The following CAP1 variants were observed in gnomAD, a reference collection of about 807,000 sequenced individuals.
The protein encoded by CAP1 is cyclase associated actin cytoskeleton regulatory protein 1.
A neutral mutation model predicts 58.2 loss-of-function variants in CAP1; 11 were observed. The ratio of observed to expected loss-of-function variants is 0.19; its 90% CI spans 0.12 to 0.31. The LOEUF (loss-of-function observed/expected upper bound fraction) is 0.31, where lower values mean the gene tolerates loss of function less well. Among genes scored for constraint, CAP1 ranks in the 10% least tolerant of loss-of-function variants. CAP1 has a pLI of 1.00. For synonymous variants in CAP1, 183 were observed against 213.8 expected (o/e 0.86, Z 1.26); for missense variants, 423 against 587.5 (o/e 0.72, Z 2.89).
At position 40,072,590 on chromosome 1, in the gene CAP1, AT is replaced by A. The variant is rs1408791626; in HGVS notation, c.*1058del. 4.6e-5 allele frequency: 7 copies of A among 153,294 alleles called. No individual in the cohort carries two copies. Among genetic ancestry groups the A allele is most frequent in the African/African-American group, 1.7e-4 (7 of 41,600 alleles). The allele number at this position is 153,294 out of a possible 1,614,324, so 9.5% of individuals were successfully genotyped here. On this transcript the variant is annotated 3_prime_UTR_variant, in exon 13 of 13. Coordinates refer to ENST00000372805, the MANE Select transcript of CAP1 (RefSeq NM_006367.4). ...TACCCATTTCCTGAGGCCTGTGGAA[AT>A]AAACCTTTATGTACTTAAAGTTATA...
rs1553164547 is a variant in CAP1, at chr1:40,066,334, T to C, written c.630+14T>C. 5.0e-6 allele frequency: 7 copies of C among 1,392,052 alleles called. No individual in the cohort carries two copies. The highest frequency in any genetic ancestry group is 1.4e-5 in the African/African-American group (1 of 70,742). The allele number at this position is 1,392,052 out of a possible 1,614,324, so 86.2% of individuals were successfully genotyped here. A position where few individuals can be genotyped will look rare whatever the true frequency, so the allele number is the denominator to read the frequency against. On this transcript the variant is annotated intron_variant, in intron 7 of 12. Coordinates refer to ENST00000372805, the MANE Select transcript of CAP1 (RefSeq NM_006367.4). ...TGGAGCAAAACGGTTAGTGAATCCTTCCTCCCTCCCTCCCTCCCTCCCACT... is the reference window on the plus strand; with the variant it reads ...TGGAGCAAAACGGTTAGTGAATCCTCCCTCCCTCCCTCCCTCCCTCCCACT...
intron 1 of CAP1, among the ~76,000 whole-genome samples, chr1:40,055,804 C>T (rs769239887): frequency 6.6e-5 from 10 of 152,154 alleles, no homozygotes; most frequent in Non-Finnish European, 1.5e-4. Flanking sequence ...CCACTGTGCC[C>T]AGCCAGTATC....
intron 1 of CAP1, among the ~76,000 whole-genome samples, chr1:40,053,000 G>T (rs184153301): frequency 1.3e-5 from 2 of 152,226 alleles, no homozygotes; most frequent in Non-Finnish European, 2.9e-5. Context: ...CAAGGCGGGC[G>T]GATCACCAGG....
chr1:40,043,834 A>G (rs1645957214), intron 1 of CAP1, among the ~76,000 whole-genome samples: 1 of 151,928 alleles, frequency 6.6e-6, no homozygotes, highest in Admixed American at 6.6e-5. Flanking sequence ...CTGAGATTGC[A>G]CTGCTGCACT....
intron 1 of CAP1, among the ~76,000 whole-genome samples, chr1:40,049,639 A>G (rs1227632554): frequency 6.6e-6 from 1 of 152,106 alleles, no homozygotes; most frequent in Non-Finnish European, 1.5e-5. Context: ...TTTGCCAATG[A>G]TTTGCAAACA....
In CAP1 at chr1:40,061,751, CAG is replaced by C; in HGVS notation, c.234_235del (p.Gly79PhefsTer21). 6.2e-7 allele frequency: 1 copy of C among 1,613,982 alleles called. No individual in the cohort carries two copies. The highest frequency in any genetic ancestry group is 8.5e-7 in the Non-Finnish European group (1 of 1,179,890). On this transcript the variant is annotated frameshift_variant, in exon 4 of 13. Transcript: ENST00000372805. LOFTEE classifies it high-confidence loss of function. ...TTCTGGCAGGCGGAGATGGTCCACA[CAG>C]GTTTGAAGTTGGAGCGAGCTCTGTT...
intron 1 of CAP1, among the ~76,000 whole-genome samples, chr1:40,051,099 A>C (rs1646345243): frequency 6.6e-6 from 1 of 152,062 alleles, no homozygotes; most frequent in African/African-American, 2.4e-5. Flanking sequence ...AAACCAAGCT[A>C]CCGCCAGTCC....
At chr1:40,063,713 T>C (rs950947759) in intron 4 of CAP1, among the ~76,000 whole-genome samples, 2 of 152,208 alleles carry the variant, frequency 1.3e-5, no homozygotes, top group African/African-American at 4.8e-5. Context: ...GAGCTCGTCT[T>C]TGAAGAATTA....
chr1:40,061,834 T>C, intron 4 of CAP1, 22 bp downstream of exon 4: 3 of 1,589,410 alleles, frequency 1.9e-6, no homozygotes, highest in South Asian at 2.2e-5. Flanking sequence ...ACTAGCTGGT[T>C]TCATTTTGGT....
chr1:40,069,804 G>A lies in CAP1; in HGVS notation c.923G>A (p.Ser308Asn), dbSNP rs752547029. Reference protein sequence around the residue: ...KPFSAPKPQTSPSPKRATKKE... With the variant: ...KPFSAPKPQTNPSPKRATKKE... ...TTCTCTGCACCTAAACCCCAAACCA[G>A]CCCATCCCCCAAACGAGCCACAAAG... The change falls in exon 9 of 13, where the codon AGC becomes AAC. Residue 308 changes from serine to asparagine, a missense_variant. Coordinates refer to ENST00000372805, the MANE Select transcript of CAP1 (RefSeq NM_006367.4). The A allele has an allele frequency of 6.3e-7, 1 of 1,599,908 alleles. No homozygotes were observed. The highest frequency in any genetic ancestry group is 8.5e-7 in the Non-Finnish European group (1 of 1,173,394).
intron 1 of CAP1, among the ~76,000 whole-genome samples, chr1:40,042,330 A>G (rs1645874302): frequency 1.3e-5 from 2 of 152,272 alleles, no homozygotes; most frequent in South Asian, 4.1e-4. Context: ...TGCATAGCAC[A>G]GGGCTACAAG....
intron 12 of CAP1, among the ~76,000 whole-genome samples, 163 bp from the exon 13 acceptor site, chr1:40,071,287 G>T (rs559813960): frequency 2.6e-5 from 4 of 152,116 alleles, no homozygotes; most frequent in Admixed American, 2.0e-4. Flanking sequence ...GTCCAAGATC[G>T]CTGAACACTA....
chr1:40,058,290 G>C (rs908550037), intron 1 of CAP1, among the ~76,000 whole-genome samples: 2 of 152,108 alleles, frequency 1.3e-5, no homozygotes, highest in African/African-American at 4.8e-5. Flanking sequence ...ATCCTTATCT[G>C]ATCCTTCCAG....
chr1:40,059,818 C>G (rs775541641), intron 2 of CAP1, among the ~76,000 whole-genome samples: 4 of 152,096 alleles, frequency 2.6e-5, no homozygotes, highest in Non-Finnish European at 5.9e-5. Flanking sequence ...CTAAAAAAAA[C>G]CTTGGAGGAT....
intron 3 of CAP1, among the ~76,000 whole-genome samples, 162 bp from the exon 4 acceptor site, chr1:40,061,573 G>T (rs904956407): frequency 6.6e-6 from 1 of 152,182 alleles, no homozygotes; most frequent in African/African-American, 2.4e-5. Flanking sequence ...AGTAGTGTAT[G>T]TAATTCTGCT....
At chr1:40,057,551 C>G (rs868442207) in intron 1 of CAP1, 1 of 152,116 alleles carries the variant, frequency 6.6e-6, no homozygotes, top group African/African-American at 2.4e-5. Flanking sequence ...AAACAACACT[C>G]TCTGACAAGT....
chr1:40,053,084 C>T (rs1229187313), intron 1 of CAP1, among the ~76,000 whole-genome samples: 5 of 152,180 alleles, frequency 3.3e-5, no homozygotes, highest in Non-Finnish European at 7.4e-5. Flanking sequence ...ATTAGCCGGG[C>T]GTGGTGGCAG....
At chr1:40,050,925 T>C (rs576863714) in intron 1 of CAP1, among the ~76,000 whole-genome samples, 16 of 152,318 alleles carry the variant, frequency 1.1e-4, no homozygotes, top group African/African-American at 3.8e-4. Flanking sequence ...TGGCCCAGCT[T>C]GCTCATGCAT....
chr1:40,070,851 C>T lies in CAP1; in HGVS notation c.1216C>T (p.Pro406Ser). The change falls in exon 12 of 13, where the codon CCA becomes TCA. Residue 406 changes from proline (P) to serine (S), a missense_variant. Physicochemically the swap from Pro to Ser is moderately conservative, Grantham distance 74. Coordinates refer to ENST00000372805, the MANE Select transcript of CAP1 (RefSeq NM_006367.4). ...TACTCTGCAGGTAATGGGTAAAGTG[C>T]CAACCATATCCATCAACAAAACAGA... ...DVKVQVMGKV[P>S]TISINKTDGC... The T allele has an allele frequency of 6.2e-7, 1 of 1,611,906 alleles. No individual in the cohort carries two copies.
Sources: gnomAD v4.1 joint callset for allele counts (sites outside exome capture counted in the v4.1 genomes callset) on GRCh38, gnomAD v4.1.1 for gene constraint, MANE v1.5 for transcripts, NCBI Gene and HGNC (gene_info 2026-07-23, HGNC 2026-07-21) for gene names.